The following ITSN2 variants were observed in gnomAD, a reference collection of about 807,000 sequenced individuals.
The protein encoded by ITSN2 is intersectin-2.
Under a neutral mutation model 243.7 loss-of-function variants are expected in ITSN2, and 156 were observed. The observed-to-expected ratio is 0.64, with a 90% CI of 0.56 to 0.73. ITSN2 has a LOEUF of 0.73. Among genes scored for constraint, ITSN2 ranks in the 30% least tolerant of loss-of-function variants. ITSN2 has a pLI of 0.00. For missense variants in ITSN2, 1,801 were observed against 1,996.1 expected, an observed-to-expected ratio of 0.90 and a Z score of 1.86; for synonymous variants, 703 against 699.9, an observed-to-expected ratio of 1.00 and a Z score of -0.07.
intron 20 of ITSN2, among the ~76,000 whole-genome samples, chr2:24,267,509 C>T (rs1676817439): frequency 6.6e-6 from 1 of 152,036 alleles, no homozygotes; most frequent in African/African-American, 2.4e-5. Flanking sequence ...TACTTACATG[C>T]CCTTCCTACT....
intron 1 of ITSN2, among the ~76,000 whole-genome samples, chr2:24,352,348 T>C (rs1223548677): frequency 6.6e-6 from 1 of 152,200 alleles, no homozygotes; most frequent in Non-Finnish European, 1.5e-5. Flanking sequence ...TAATCAACTT[T>C]TAGTTGTAAT....
chr2:24,294,755 A>T (rs77909902), intron 14 of ITSN2, among the ~76,000 whole-genome samples: 22,373 of 152,162 alleles, frequency 0.15, 2,212 homozygotes, highest in African/African-American at 0.28. Context: ...TTAATGTATG[A>T]TATGGTCTGA....
intron 13 of ITSN2, among the ~76,000 whole-genome samples, chr2:24,296,501 C>G (rs1680983939): frequency 6.6e-6 from 1 of 152,016 alleles, no homozygotes; most frequent in African/African-American, 2.4e-5. Flanking sequence ...ACAGGTGGAC[C>G]CTAATCCAAT....
chr2:24,323,205 A>C (rs1684786268), intron 2 of ITSN2, among the ~76,000 whole-genome samples: 1 of 152,310 alleles, frequency 6.6e-6, no homozygotes, highest in African/African-American at 2.4e-5. Flanking sequence ...TAGACTGAGT[A>C]TTAACAAAAG....
intron 29 of ITSN2, among the ~76,000 whole-genome samples, chr2:24,227,276 A>G (rs1325646797): frequency 1.4e-5 from 2 of 141,300 alleles, no homozygotes; most frequent in African/African-American, 5.4e-5. Context: ...CTCATTAAAG[A>G]TGAGCTCAAA....
rs373877809 is a variant in ITSN2, at chr2:24,204,541, G to A, written c.4763-123C>T. The A allele has an allele frequency of 1.9e-5, 16 of 860,974 alleles. No homozygotes were observed. Among genetic ancestry groups the A allele is most frequent in the East Asian group, 1.2e-4 (5 of 40,164 alleles). 53.3% of individuals were successfully genotyped at this position (860,974 alleles called of 1,614,324 possible). On this transcript the variant is annotated intron_variant, in intron 38 of 39. Coordinates refer to ENST00000355123, the MANE Select transcript of ITSN2 (RefSeq NM_006277.3). The surrounding 1 kb of genome is among the most constrained non-coding windows in gnomAD (Gnocchi z 5.1). Reference sequence around the variant, plus strand: ...GTCACTCGAGACCATGGCAGCAGGAGCCGCTGCCTGGGGCACCATATCCCT... The same window carrying A: ...GTCACTCGAGACCATGGCAGCAGGAACCGCTGCCTGGGGCACCATATCCCT...
intron 1 of ITSN2, among the ~76,000 whole-genome samples, chr2:24,333,910 G>C (rs1367428486): frequency 6.6e-6 from 1 of 152,128 alleles, no homozygotes; most frequent in Non-Finnish European, 1.5e-5. Context: ...TGTTTTTTGA[G>C]ACAGAGTCTC....
At chr2:24,283,739 A>G (rs574795372) in intron 17 of ITSN2, among the ~76,000 whole-genome samples, 12 of 152,346 alleles carry the variant, frequency 7.9e-5, no homozygotes, top group Admixed American at 5.9e-4. Flanking sequence ...AAGTAAAACA[A>G]GGGACAAGAA....
chr2:24,344,214 T>C (rs1687312761), intron 1 of ITSN2, among the ~76,000 whole-genome samples: 1 of 152,208 alleles, frequency 6.6e-6, no homozygotes, highest in African/African-American at 2.4e-5. Context: ...CTTCCACTGG[T>C]GGACATTAAG....
intron 1 of ITSN2, among the ~76,000 whole-genome samples, chr2:24,337,062 CT>C (rs754030975): frequency 1.7e-3 from 228 of 136,734 alleles, no homozygotes; most frequent in Middle Eastern, 7.5e-3. Context: ...CTTGGCTTTT[CT>C]TTTTTTTTTT....
At chr2:24,297,964 A>G (rs1681194991) in intron 13 of ITSN2, among the ~76,000 whole-genome samples, 1 of 151,908 alleles carries the variant, frequency 6.6e-6, no homozygotes, top group African/African-American at 2.4e-5. Context: ...TTCACGAGAG[A>G]TTTTAAAACA....
chr2:24,306,809 C>CT lies in ITSN2; in HGVS notation c.793+1807dup, dbSNP rs757854376. Among the ~76,000 whole-genome samples the CT allele has an allele frequency of 5.8e-3, 841 of 144,000 alleles. 2 individuals are homozygous for CT. Among genetic ancestry groups the CT allele is most frequent in the African/African-American group, 0.012 (485 of 39,630 alleles). 94.5% of individuals were successfully genotyped at this position (144,000 alleles called of 152,430 possible). The stretch of plus-strand genomic sequence containing the variant: ...TGCCGCTATGCCTAGCAAAGATAAA[C>CT]TTTTTTTTTTTTTTTGAGACAGAGT... On this transcript the variant is annotated intron_variant, in intron 8 of 39. Coordinates refer to ENST00000355123, the MANE Select transcript of ITSN2 (RefSeq NM_006277.3).
chr2:24,334,379 G>A (rs1367825434), intron 1 of ITSN2: 1 of 370,062 alleles, frequency 2.7e-6, no homozygotes, highest in Admixed American at 3.6e-5. Flanking sequence ...ATTTTTAGTA[G>A]AGATGGGGTT....
chr2:24,305,539 T>G (rs1208294383), intron 8 of ITSN2, among the ~76,000 whole-genome samples: 4 of 132,356 alleles, frequency 3.0e-5, no homozygotes, highest in Non-Finnish European at 4.6e-5. Context: ...ATCGCACCAC[T>G]GCACTCCAGC....
At chr2:24,323,987 C>A (rs1313934416) in intron 2 of ITSN2, among the ~76,000 whole-genome samples, 2 of 152,184 alleles carry the variant, frequency 1.3e-5, no homozygotes, top group Admixed American at 6.6e-5. Context: ...AATCCCAGCA[C>A]TTTGGGAGGC....
chr2:24,204,685 G>A lies in ITSN2; in HGVS notation c.4763-267C>T, dbSNP rs1381394706. On this transcript the variant is annotated intron_variant, in intron 38 of 39. Transcript: ENST00000355123. This position sits in a 1 kb window ranked among gnomAD's most constrained non-coding sequence, Gnocchi z 5.1. ...GGAACAATCCTGGGTGAGTGTCACT[G>A]CAACCTGCTGCATGCTTCCTCGGCG... The A allele has an allele frequency of 1.0e-5, 6 of 593,042 alleles. No homozygotes were observed. Among genetic ancestry groups the A allele is most frequent in the South Asian group, 9.1e-5 (6 of 65,780 alleles). 36.7% of individuals were successfully genotyped at this position (593,042 alleles called of 1,614,324 possible).
intron 1 of ITSN2, among the ~76,000 whole-genome samples, chr2:24,337,331 T>TATATATATATATATATATATATATATAC (rs1219603507): frequency 2.3e-3 from 7 of 3,062 alleles, no homozygotes; most frequent in Non-Finnish European, 5.2e-3. Flanking sequence ...TATATATATA[T>TATATATATATATATATATATATATATAC]ATATATATAT....
At chr2:24,294,337 A>C (rs1305999096) in intron 14 of ITSN2, among the ~76,000 whole-genome samples, 1 of 152,300 alleles carries the variant, frequency 6.6e-6, no homozygotes, top group East Asian at 1.9e-4. Context: ...GAAGCAGGAG[A>C]ATTGCTTGAG....
At chr2:24,312,913 G>C (rs1003032712) in intron 4 of ITSN2, among the ~76,000 whole-genome samples, 14 of 151,914 alleles carry the variant, frequency 9.2e-5, no homozygotes, top group Admixed American at 5.2e-4. Flanking sequence ...AACAGAAAGA[G>C]GATTTTGAGA....
Sources: allele counts gnomAD v4.1 joint callset (sites outside exome capture counted in the v4.1 genomes callset), GRCh38; gene constraint gnomAD v4.1.1; non-coding constraint Gnocchi (gnomAD v3.1); transcripts MANE v1.5; gene names NCBI Gene and HGNC (gene_info 2026-07-23, HGNC 2026-07-21).